Variants in MRE11 observed in about 807,000 individuals in gnomAD.
MRE11 encodes the protein double-strand break repair protein MRE11.
MRE11 carries 62 observed loss-of-function variants against 91.7 expected under a neutral mutation model. The observed-to-expected ratio is 0.68, with a 90% CI of 0.55 to 0.84. The LOEUF (loss-of-function observed/expected upper bound fraction) is 0.84, where lower values mean the gene tolerates loss of function less well. MRE11 is among the 40% of genes least tolerant of loss of function. The pLI, the probability that MRE11 is intolerant of heterozygous loss-of-function variation, is 0.00. For synonymous variants in MRE11, 273 were observed against 271.4 expected, an observed-to-expected ratio of 1.01 and a Z score of -0.06; for missense variants, 796 against 852.9, an observed-to-expected ratio of 0.93 and a Z score of 0.83.
Position 94,441,214 on chromosome 11 carries a change from T to TAG in MRE11, c.1868-3980_1868-3979insCT, listed in dbSNP as rs1390492324. ...CTGTATTTCTTCCCCTAAGTTCGCTTTGGAATAAAAAGTCACTTTCTTTAT... is the reference window on the plus strand; with the variant it reads ...CTGTATTTCTTCCCCTAAGTTCGCTTAGTGGAATAAAAAGTCACTTTCTTTAT... On this transcript the variant is annotated intron_variant, in intron 16 of 19. Coordinates refer to ENST00000323929, the MANE Select transcript of MRE11 (RefSeq NM_005591.4). Among the ~76,000 whole-genome samples the TAG allele has an allele frequency of 3.9e-5, 6 of 152,306 alleles. No homozygotes were observed. The East Asian group carries it at 1.2e-3, about 29-fold the overall frequency.
rs918857159 is a variant in MRE11 at position 94,416,955 on chromosome 11, A to C, written c.*3170T>G. 2.6e-5 allele frequency: 4 copies of C among 152,040 alleles called. No homozygotes were observed. Among genetic ancestry groups the C allele is most frequent in the African/African-American group, 9.7e-5 (4 of 41,438 alleles). 9.4% of individuals were successfully genotyped at this position (152,040 alleles called of 1,614,324 possible). On this transcript the variant is annotated 3_prime_UTR_variant, in exon 20 of 20. Coordinates refer to ENST00000323929, the MANE Select transcript of MRE11 (RefSeq NM_005591.4). Reference sequence around the variant, plus strand: ...AGTCGCTTTTAAATTCTATATTTCCAAAAAAGATATTTTACATTTAGATAC... The same window carrying C: ...AGTCGCTTTTAAATTCTATATTTCCCAAAAAGATATTTTACATTTAGATAC...
At chr11:94,476,661 C>T (rs956027356) in intron 6 of MRE11, among the ~76,000 whole-genome samples, 9 of 152,044 alleles carry the variant, frequency 5.9e-5, no homozygotes, top group African/African-American at 2.2e-4. Flanking sequence ...TCGCCTCAGC[C>T]TCCCAAAGTG....
chr11:94,494,241 C>T (rs949655559), upstream of MRE11: 1 of 152,272 alleles, frequency 6.6e-6, no homozygotes, highest in Non-Finnish European at 1.5e-5. Context: ...GGCCTGTGAG[C>T]TCCCGGCTGG....
intron 16 of MRE11, among the ~76,000 whole-genome samples, chr11:94,442,179 C>T (rs185992067): frequency 4.6e-5 from 7 of 151,968 alleles, no homozygotes; most frequent in African/African-American, 1.4e-4. Context: ...CTAGAAGTGA[C>T]GGAAGATAGC....
rs139885991 is a variant in MRE11, at chr11:94,464,793, CAGA to C, written c.1099-557_1099-555del. On this transcript the variant is annotated intron_variant, in intron 10 of 19. Coordinates refer to ENST00000323929, the MANE Select transcript of MRE11 (RefSeq NM_005591.4). ...CTTCTCTCAAGGTAGACTCTTTCTA[CAGA>C]AGTCTGTAGTGGTAAACAGACCTTT... is the stretch of plus-strand genomic sequence containing the variant. Among the ~76,000 whole-genome samples, 442 of 152,290 alleles carry C rather than the reference CAGA, an allele frequency of 2.9e-3. 2 individuals carry two copies. The highest frequency in any genetic ancestry group is 9.0e-3 in the African/African-American group (374 of 41,566).
At chr11:94,445,516 G>T (rs1945901379) in intron 16 of MRE11, among the ~76,000 whole-genome samples, 1 of 152,034 alleles carries the variant, frequency 6.6e-6, no homozygotes, top group Admixed American at 6.5e-5. Flanking sequence ...CACCATGTTG[G>T]CCAGGCTGGT....
chr11:94,439,439 C>T (rs2134855591), intron 16 of MRE11, among the ~76,000 whole-genome samples: 1 of 152,294 alleles, frequency 6.6e-6, no homozygotes, highest in South Asian at 2.1e-4. Flanking sequence ...CAAATTTAGA[C>T]CAATGATTCA....
In MRE11 at chr11:94,456,355, T is replaced by C. The variant is rs1239892824; in HGVS notation, c.1501-17A>G. Reference sequence around the variant, plus strand: ...ACGACGTACCTAGATCATAACAGAGTAAATCACAAACATGTTGCCTATTCC... The same window carrying C: ...ACGACGTACCTAGATCATAACAGAGCAAATCACAAACATGTTGCCTATTCC... On this transcript the variant is annotated splice_polypyrimidine_tract_variant and intron_variant, in intron 13 of 19. Transcript: ENST00000323929. The C allele has an allele frequency of 5.0e-6, 8 of 1,595,962 alleles. No homozygotes were observed. The highest frequency in any genetic ancestry group is 6.9e-6 in the Non-Finnish European group (8 of 1,164,074).
intron 3 of MRE11, among the ~76,000 whole-genome samples, chr11:94,487,972 CAATAAT>C (rs1187322911): frequency 2.6e-5 from 4 of 152,088 alleles, no homozygotes; most frequent in Non-Finnish European, 5.9e-5. Context: ...ACTTTAGATT[CAATAAT>C]AAGAAATACT....
upstream of MRE11, chr11:94,498,462 G>A (rs1947449956): frequency 1.9e-6 from 3 of 1,613,820 alleles, no homozygotes; most frequent in Non-Finnish European, 1.7e-6. Context: ...GATATTGCCA[G>A]GAGGACAAGT....
intron 2 of MRE11, among the ~76,000 whole-genome samples, chr11:94,492,111 T>C (rs1565242848): frequency 6.6e-6 from 1 of 151,898 alleles, no homozygotes; most frequent in Non-Finnish European, 1.5e-5. Context: ...GGTAAAAGAC[T>C]CCAAGTCTAA....
At chr11:94,432,238 T>C (rs770867986) in intron 18 of MRE11, among the ~76,000 whole-genome samples, 2 of 152,186 alleles carry the variant, frequency 1.3e-5, no homozygotes, top group Non-Finnish European at 2.9e-5. Context: ...CTACTTACCA[T>C]AGACATATAA....
chr11:94,436,509 A>T (rs894930121), intron 17 of MRE11, among the ~76,000 whole-genome samples: 4 of 152,232 alleles, frequency 2.6e-5, no homozygotes, highest in Admixed American at 2.6e-4. Flanking sequence ...GAGGCTAAGG[A>T]TGCTGTTAAA....
intron 18 of MRE11, among the ~76,000 whole-genome samples, chr11:94,431,787 T>C (rs1945468516): frequency 6.6e-6 from 1 of 152,208 alleles, no homozygotes; most frequent in Admixed American, 6.5e-5. Flanking sequence ...GCCTGGCACA[T>C]AGGAAGTACC....
rs201800515 is a variant in MRE11 at position 94,419,465 on chromosome 11, GGAGAGAGAGA to G, written c.*650_*659del. The G allele has an allele frequency of 3.7e-5, 8 of 216,370 alleles. No homozygotes were observed. Among genetic ancestry groups the G allele is most frequent in the South Asian group, 4.1e-4 (2 of 4,874 alleles). 13.4% of individuals were successfully genotyped at this position (216,370 alleles called of 1,614,324 possible). A position where few individuals can be genotyped will look rare whatever the true frequency, so the allele number is the denominator to read the frequency against. On this transcript the variant is annotated 3_prime_UTR_variant, in exon 20 of 20. Coordinates refer to ENST00000323929, the MANE Select transcript of MRE11 (RefSeq NM_005591.4). ...GAAGAGTGGGGAACGGGGGGGAGAG[GGAGAGAGAGA>G]GAGAGAGAGAGAGAGAGAGAACACC...
At chr11:94,495,692 G>A (rs1460045232), upstream of MRE11, among the ~76,000 whole-genome samples, 1 of 152,194 alleles carries the variant, frequency 6.6e-6, no homozygotes, top group Non-Finnish European at 1.5e-5. Context: ...CAGCTTAGCA[G>A]AATAAACATC....
chr11:94,432,755 G>C (rs531298638), intron 18 of MRE11, among the ~76,000 whole-genome samples: 1 of 152,304 alleles, frequency 6.6e-6, no homozygotes, highest in South Asian at 2.1e-4. Flanking sequence ...GCAGTGAGCC[G>C]AGATCGCGCC....
At position 94,486,011 on chromosome 11, in the gene MRE11, A is replaced by C. The variant is rs876660516; in HGVS notation, c.227T>G (p.Leu76Arg). 6.2e-7 allele frequency: 1 copy of C among 1,613,820 alleles called. No individual in the cohort carries two copies. Among genetic ancestry groups the C allele is most frequent in the African/African-American group, 1.3e-5 (1 of 74,894 alleles). Residue 76 changes from leucine (L) to arginine (R), a missense_variant, in exon 4 of 20, where the codon CTC (leucine) becomes CGC (arginine). By Grantham distance (102) the Leu-to-Arg change is moderately radical (BLOSUM62 -2). Transcript: ENST00000323929. ...KPSRKTLHTC[L>R]ELLRKYCMGD... ...CATACAATATTTTCTTAATAACTCG[A>C]GGCAGGTATGTAATGTTTTCCTTGA...
chr11:94,473,621 T>G (rs764856573), intron 7 of MRE11: 2 of 152,056 alleles, frequency 1.3e-5, no homozygotes, highest in Admixed American at 6.6e-5. Flanking sequence ...CAAATGAATC[T>G]AACAGCATTA....
Sources: allele counts gnomAD v4.1 joint callset (sites outside exome capture counted in the v4.1 genomes callset), GRCh38; gene constraint gnomAD v4.1.1; transcripts MANE v1.5; gene names NCBI Gene and HGNC (gene_info 2026-07-23, HGNC 2026-07-21).